TMEM132D: variants seen among roughly 807,000 people sequenced by gnomAD.
TMEM132D encodes the protein mature OL transmembrane protein.
In TMEM132D, 21 loss-of-function variants were observed where a neutral mutation model predicts 62.3. The ratio of observed to expected loss-of-function variants is 0.34; its 90% CI spans 0.24 to 0.49. The LOEUF is 0.49. Ranked by LOEUF, TMEM132D falls within the 20% of genes least tolerant of loss-of-function variation. TMEM132D has a pLI of 0.99. For missense variants in TMEM132D, 1,346 were observed against 1,402.8 expected, an observed-to-expected ratio of 0.96 and a Z score of 0.65; for synonymous variants, 621 against 575.6, an observed-to-expected ratio of 1.08 and a Z score of -1.13.
intron 2 of TMEM132D, among the ~76,000 whole-genome samples, chr12:129,572,225 T>C (rs762307926): frequency 6.6e-6 from 1 of 152,222 alleles, no homozygotes; most frequent in Non-Finnish European, 1.5e-5. Flanking sequence ...GAAGGCAAAG[T>C]AACAAACGTG....
chr12:129,641,610 C>G lies in TMEM132D; in HGVS notation c.968+58200G>C, dbSNP rs147330252. Among the ~76,000 whole-genome samples the G allele has an allele frequency of 3.9e-5, 6 of 152,276 alleles. No homozygotes were observed. The East Asian group carries it at 1.2e-3, about 29-fold the overall frequency. ...TCCAGAGACCCAACAGAAAATGGTTCCGAATCTCATGTTGGCCTAAGGTGG... is the reference window on the plus strand; with the variant it reads ...TCCAGAGACCCAACAGAAAATGGTTGCGAATCTCATGTTGGCCTAAGGTGG... On this transcript the variant is annotated intron_variant, in intron 2 of 8. Coordinates refer to ENST00000422113, the MANE Select transcript of TMEM132D (RefSeq NM_133448.3).
At chr12:129,230,170 T>C (rs1333801637) in intron 4 of TMEM132D, among the ~76,000 whole-genome samples, 1 of 152,238 alleles carries the variant, frequency 6.6e-6, no homozygotes, top group Non-Finnish European at 1.5e-5. Flanking sequence ...CTGAGGTCTA[T>C]GCTTCCCTTT....
intron 1 of TMEM132D, among the ~76,000 whole-genome samples, chr12:129,806,577 A>C (rs1289448610): frequency 6.7e-6 from 1 of 148,824 alleles, no homozygotes; most frequent in East Asian, 2.0e-4. Flanking sequence ...TAGCATTGGG[A>C]GATACACCTA....
intron 1 of TMEM132D, among the ~76,000 whole-genome samples, chr12:129,854,391 C>T (rs921383314): frequency 4.6e-5 from 7 of 152,166 alleles, no homozygotes; most frequent in Non-Finnish European, 1.0e-4. Flanking sequence ...CAGGATTCAG[C>T]CCCAGAACTC....
chr12:129,587,241 G>C (rs1878056902), intron 2 of TMEM132D, among the ~76,000 whole-genome samples: 1 of 152,232 alleles, frequency 6.6e-6, no homozygotes, highest in Admixed American at 6.5e-5. Flanking sequence ...CCTTTACAGG[G>C]ACATGGATGG....
At chr12:129,617,795 T>C (rs924434976) in intron 2 of TMEM132D, among the ~76,000 whole-genome samples, 2 of 152,126 alleles carry the variant, frequency 1.3e-5, no homozygotes, top group African/African-American at 4.8e-5. Context: ...CTAATCCCAT[T>C]CATGAGGTTC....
At chr12:129,762,830 C>T (rs1593152087) in intron 1 of TMEM132D, among the ~76,000 whole-genome samples, 1 of 152,214 alleles carries the variant, frequency 6.6e-6, no homozygotes, top group East Asian at 1.9e-4. Flanking sequence ...AAAAAGCTGT[C>T]TAATATGTTT....
intron 2 of TMEM132D, among the ~76,000 whole-genome samples, chr12:129,580,268 G>T (rs1270192607): frequency 6.6e-6 from 1 of 152,190 alleles, no homozygotes; most frequent in Non-Finnish European, 1.5e-5. Context: ...TAAGTGAAAT[G>T]TGAAGCCATC....
intron 3 of TMEM132D, among the ~76,000 whole-genome samples, chr12:129,492,582 C>T (rs1874828502): frequency 6.6e-6 from 1 of 152,136 alleles, no homozygotes; most frequent in African/African-American, 2.4e-5. Flanking sequence ...TGCTGCTTTG[C>T]TCATTAGAAG....
At chr12:129,396,250 C>T (rs146413046) in intron 3 of TMEM132D, among the ~76,000 whole-genome samples, 32 of 152,096 alleles carry the variant, frequency 2.1e-4, no homozygotes, top group African/African-American at 7.2e-4. Flanking sequence ...AATGGAACAG[C>T]GGGTAGAGGC....
intron 5 of TMEM132D, 40 bp downstream of exon 5, chr12:129,209,480 G>T: frequency 6.2e-7 from 1 of 1,610,016 alleles, no homozygotes; most frequent in South Asian, 1.1e-5. Context: ...AAGCTGACAT[G>T]ACAGCAGGTT....
intron 3 of TMEM132D, among the ~76,000 whole-genome samples, chr12:129,472,058 G>A (rs890048342): frequency 6.6e-6 from 1 of 152,242 alleles, no homozygotes; most frequent in African/African-American, 2.4e-5. Context: ...GCTGCAGCAA[G>A]TTATCCAGAA....
intron 5 of TMEM132D, among the ~76,000 whole-genome samples, chr12:129,172,003 C>T (rs907690196): frequency 7.2e-5 from 11 of 152,234 alleles, no homozygotes; most frequent in African/African-American, 2.7e-4. Context: ...TTCTTCTCTC[C>T]AGCTATGAAA....
chr12:129,475,135 T>TAG (rs1162783094), intron 3 of TMEM132D, among the ~76,000 whole-genome samples: 9 of 152,126 alleles, frequency 5.9e-5, no homozygotes, highest in Non-Finnish European at 5.9e-5. Context: ...CACTGTGAGA[T>TAG]AGAGAATAGC....
intron 3 of TMEM132D, among the ~76,000 whole-genome samples, chr12:129,471,920 T>C (rs1185038089): frequency 6.6e-6 from 1 of 152,314 alleles, no homozygotes; most frequent in East Asian, 1.9e-4. Flanking sequence ...TTCAGTTCTG[T>C]GAATCTTAGA....
At chr12:129,189,261 C>A (rs1405137602) in intron 5 of TMEM132D, among the ~76,000 whole-genome samples, 2 of 152,084 alleles carry the variant, frequency 1.3e-5, no homozygotes, top group South Asian at 2.1e-4. Context: ...GACAGGGGAC[C>A]AATTCCAGTC....
intron 3 of TMEM132D, among the ~76,000 whole-genome samples, chr12:129,358,461 T>C (rs536088373): frequency 6.6e-6 from 1 of 152,272 alleles, no homozygotes; most frequent in South Asian, 2.1e-4. Flanking sequence ...CTTTGGTAGT[T>C]TGAAATTGGC....
chr12:129,581,240 G>A (rs1435562855), intron 2 of TMEM132D, among the ~76,000 whole-genome samples: 1 of 152,180 alleles, frequency 6.6e-6, no homozygotes, highest in African/African-American at 2.4e-5. Flanking sequence ...AAAGCCACCT[G>A]AAGTCCTCAC....
intron 1 of TMEM132D, among the ~76,000 whole-genome samples, chr12:129,822,156 G>A (rs1394442470): frequency 6.6e-6 from 1 of 152,120 alleles, no homozygotes; most frequent in East Asian, 1.9e-4. Flanking sequence ...GGAAGAGTCA[G>A]CCATGGAGAG....
Sources: gnomAD v4.1 joint callset for allele counts (sites outside exome capture counted in the v4.1 genomes callset) on GRCh38, gnomAD v4.1.1 for gene constraint, MANE v1.5 for transcripts, NCBI Gene and HGNC (gene_info 2026-07-23, HGNC 2026-07-21) for gene names.